The following TM4SF18 variants were observed in gnomAD, a reference collection of about 807,000 sequenced individuals.
The protein encoded by TM4SF18 is transmembrane 4 L six family member 18, also known as transmembrane 4 L6 family member 18.
In TM4SF18, 22 loss-of-function variants were observed where a neutral mutation model predicts 23.8. That is an observed-to-expected ratio of 0.92 (90% CI 0.66 to 1.32). The LOEUF (loss-of-function observed/expected upper bound fraction) is 1.32. Ranked by LOEUF, TM4SF18 falls within the 40% of genes most tolerant of loss-of-function variation. The pLI is 0.00. For synonymous variants in TM4SF18, 87 were observed against 87.9 expected (o/e 0.99, Z 0.06); for missense variants, 255 against 240.3 (o/e 1.06, Z -0.41).
intron 2 of TM4SF18, among the ~76,000 whole-genome samples, chr3:149,332,527 C>T (rs1014630116): frequency 6.6e-6 from 1 of 152,172 alleles, no homozygotes; most frequent in South Asian, 2.1e-4. Flanking sequence ...TTCAAAAACT[C>T]CCTCCATTAT....
Position 149,321,402 on chromosome 3 carries a change from C to A in TM4SF18, c.*76G>T. Reference sequence around the variant, plus strand: ...AGAAAGCACCATCATTTCAATATTGCCCTCAAGTCTACACAGTTGATATAA... The same window carrying A: ...AGAAAGCACCATCATTTCAATATTGACCTCAAGTCTACACAGTTGATATAA... On this transcript the variant is annotated 3_prime_UTR_variant, in exon 6 of 6. Transcript: ENST00000296059. The A allele has an allele frequency of 8.9e-7, 1 of 1,126,270 alleles. No homozygotes were observed. 69.8% of individuals were successfully genotyped at this position (1,126,270 alleles called of 1,614,324 possible).
intron 3 of TM4SF18, 137 bp from the exon 4 acceptor site, chr3:149,325,159 T>TAA: frequency 1.3e-5 from 8 of 629,730 alleles, no homozygotes; most frequent in South Asian, 4.4e-5. Context: ...CACATAGAAA[T>TAA]AAAAAAAAAA....
chr3:149,328,402 T>C (rs775013631), intron 3 of TM4SF18, among the ~76,000 whole-genome samples: 50 of 152,150 alleles, frequency 3.3e-4, no homozygotes, highest in Non-Finnish European at 5.4e-4. Context: ...ATCCCACCTC[T>C]TAATATCGCC....
rs1731065966 is a variant in TM4SF18, at chr3:149,330,478, T to C, written c.178-59A>G. On this transcript the variant is annotated intron_variant, in intron 2 of 5. Coordinates refer to ENST00000296059, the MANE Select transcript of TM4SF18 (RefSeq NM_138786.4). ...AAATGCTAGTTTACATTTGTGCTTA[T>C]AATCAGAGGACAGCGTCTTCAAGCA... 8.4e-6 allele frequency: 10 copies of C among 1,194,436 alleles called. No homozygotes were observed. The South Asian group carries it at 1.3e-4, about 16-fold the overall frequency. The allele number at this position is 1,194,436 out of a possible 1,614,324, so 74.0% of individuals were successfully genotyped here.
intron 4 of TM4SF18, among the ~76,000 whole-genome samples, chr3:149,324,344 C>A (rs1258399523): frequency 1.3e-5 from 2 of 152,210 alleles, no homozygotes; most frequent in African/African-American, 4.8e-5. Context: ...CAAACTCCTG[C>A]ACCTAATCAT....
intron 4 of TM4SF18, among the ~76,000 whole-genome samples, chr3:149,323,503 G>T (rs1413974739): frequency 6.6e-6 from 1 of 152,166 alleles, no homozygotes; most frequent in Non-Finnish European, 1.5e-5. Flanking sequence ...GACCCCAAAT[G>T]GTGGGACTGG....
In TM4SF18 at chr3:149,319,226, C is replaced by T. The variant is rs575302402; in HGVS notation, c.*2252G>A. 2 of 152,294 alleles carry T rather than the reference C, an allele frequency of 1.3e-5. No homozygotes were observed. Among genetic ancestry groups the T allele is most frequent in the African/African-American group, 2.4e-5 (1 of 41,550 alleles). 9.4% of individuals were successfully genotyped at this position (152,294 alleles called of 1,614,324 possible). A position where few individuals can be genotyped will look rare whatever the true frequency, so the allele number is the denominator to read the frequency against. ...CTGATGAAGTGGACCTTCCAGAAGT[C>T]TGTTTACAAGAGGGCTGAGGAGACT... On this transcript the variant is annotated 3_prime_UTR_variant, in exon 6 of 6. Coordinates refer to ENST00000296059, the MANE Select transcript of TM4SF18 (RefSeq NM_138786.4).
At chr3:149,333,487 T>C (rs1169423845) in intron 1 of TM4SF18, 26 bp downstream of exon 1, 15 of 864,568 alleles carry the variant, frequency 1.7e-5, no homozygotes, top group South Asian at 5.8e-5. Flanking sequence ...TCTCTCTTTT[T>C]TTTTTTTTTT....
chr3:149,320,986 T>C lies in TM4SF18; in HGVS notation c.*492A>G, dbSNP rs1476357490. 1.3e-5 allele frequency: 2 copies of C among 152,194 alleles called. No individual in the cohort carries two copies. Among genetic ancestry groups the C allele is most frequent in the African/African-American group, 4.8e-5 (2 of 41,458 alleles). The allele number at this position is 152,194 out of a possible 1,614,324, so 9.4% of individuals were successfully genotyped here. A position where few individuals can be genotyped will look rare whatever the true frequency, so the allele number is the denominator to read the frequency against. ...CTGCTTTTTGATGTAGCATTATTCA[T>C]AATTTTAAAAACATCATTTGTAATG... On this transcript the variant is annotated 3_prime_UTR_variant, in exon 6 of 6. Transcript: ENST00000296059.
chr3:149,329,087 T>G (rs1444934660), intron 3 of TM4SF18, among the ~76,000 whole-genome samples: 1 of 151,750 alleles, frequency 6.6e-6, no homozygotes, highest in African/African-American at 2.4e-5. Context: ...TTATTTCCCC[T>G]AGGCAATTTT....
chr3:149,333,077 T>A (rs1268425211), intron 2 of TM4SF18, 129 bp downstream of exon 2: 2 of 913,684 alleles, frequency 2.2e-6, no homozygotes, highest in Non-Finnish European at 1.6e-6. Context: ...TTCACCCCCA[T>A]CCCTCTTTCA....
chr3:149,331,144 C>T (rs542687416), intron 2 of TM4SF18, among the ~76,000 whole-genome samples: 2 of 152,216 alleles, frequency 1.3e-5, no homozygotes, highest in Admixed American at 6.5e-5. Flanking sequence ...AAATTCTCCA[C>T]CCATTTTTTT....
chr3:149,328,311 T>A (rs1731002595), intron 3 of TM4SF18, among the ~76,000 whole-genome samples: 1 of 151,924 alleles, frequency 6.6e-6, no homozygotes, highest in Non-Finnish European at 1.5e-5. Context: ...GAGGTAAGAG[T>A]ACTCCCCTCA....
At position 149,324,986 on chromosome 3, in the gene TM4SF18, C is replaced by A; in HGVS notation, c.304G>T (p.Ala102Ser). Residue 102 changes from alanine to serine, a missense_variant, in exon 4 of 6, where the codon GCT becomes TCT. Ala to Ser is a moderately conservative substitution (Grantham distance 99). Coordinates refer to ENST00000296059, the MANE Select transcript of TM4SF18 (RefSeq NM_138786.4). ...LSIIFSSLGI[A>S]FSGYCLVISA... is the part of the protein sequence containing the mutation. The stretch of plus-strand genomic sequence containing the variant: ...ATGACCAGGCAGTATCCAGAAAAAG[C>A]AATTCCGAGGGAAGAAAAGATAATT... The A allele has an allele frequency of 6.2e-7, 1 of 1,614,016 alleles. No homozygotes were observed. Among genetic ancestry groups the A allele is most frequent in the Non-Finnish European group, 8.5e-7 (1 of 1,179,974 alleles).
chr3:149,331,705 G>A (rs1013597073), intron 2 of TM4SF18, among the ~76,000 whole-genome samples: 4 of 152,158 alleles, frequency 2.6e-5, no homozygotes, highest in African/African-American at 9.7e-5. Flanking sequence ...AAGAATAATG[G>A]AGGTAAAGTA....
At chr3:149,321,884 A>G (rs1396231998) in intron 5 of TM4SF18, among the ~76,000 whole-genome samples, 2 of 152,234 alleles carry the variant, frequency 1.3e-5, no homozygotes, top group East Asian at 1.9e-4. Context: ...AGTTATTTCA[A>G]TGAGATAAGG....
chr3:149,330,140 T>C (rs904796451), intron 3 of TM4SF18, 190 bp downstream of exon 3: 26 of 388,318 alleles, frequency 6.7e-5, no homozygotes, highest in Non-Finnish European at 1.0e-4. Context: ...TTTCTGAAAG[T>C]GCATCAGTAG....
At position 149,333,291 on chromosome 3, in the gene TM4SF18, G is replaced by A. The variant is rs748143040; in HGVS notation, c.92C>T (p.Pro31Leu). 1.7e-5 allele frequency: 27 copies of A among 1,613,560 alleles called. No homozygotes were observed. Among genetic ancestry groups the A allele is most frequent in the African/African-American group, 4.0e-5 (3 of 74,810 alleles). ...GGATGCATAGGAAGTTTGCCCATTC[G>A]GGAAATACAATAATATGTTCACGAT... is the stretch of plus-strand genomic sequence containing the variant. ...SIIVNILLYF[P>L]NGQTSYASSN... Residue 31 changes from proline to leucine, a missense_variant, in exon 2 of 6, where the codon CCG becomes CTG. By Grantham distance (98) the Pro-to-Leu change is moderately conservative. Coordinates refer to ENST00000296059, the MANE Select transcript of TM4SF18 (RefSeq NM_138786.4).
chr3:149,321,608 G>GA, intron 5 of TM4SF18, 116 bp from the exon 6 acceptor site: 2 of 610,570 alleles, frequency 3.3e-6, no homozygotes, highest in East Asian at 3.0e-5. Flanking sequence ...TGATAGAACA[G>GA]AAAAAACATC....
Sources: gnomAD v4.1 joint callset for allele counts (sites outside exome capture counted in the v4.1 genomes callset) on GRCh38, gnomAD v4.1.1 for gene constraint, MANE v1.5 for transcripts, NCBI Gene and HGNC (gene_info 2026-07-23, HGNC 2026-07-21) for gene names.